Variants in FHIT observed in about 807,000 individuals in gnomAD.
The protein encoded by FHIT is bis(5'-adenosyl)-triphosphatase.
Under a neutral mutation model 17.9 loss-of-function variants are expected in FHIT, and 19 were observed. The observed-to-expected ratio is 1.06, with a 90% CI of 0.74 to 1.56. FHIT has a LOEUF of 1.56. Among genes scored for constraint, FHIT ranks in the 40% most tolerant of loss-of-function variants. The pLI is 0.00. For synonymous variants in FHIT, 81 were observed against 69.7 expected (o/e 1.16, Z -0.81); for missense variants, 248 against 189.2 (o/e 1.31, Z -1.82).
intron 3 of FHIT, among the ~76,000 whole-genome samples, chr3:60,945,033 G>A (rs558146377): frequency 2.0e-5 from 3 of 152,232 alleles, no homozygotes; most frequent in Non-Finnish European, 4.4e-5. Context: ...TCAGGGAGTC[G>A]TAAGTCTTGT....
chr3:59,879,249 G>T (rs1703298873), intron 8 of FHIT, among the ~76,000 whole-genome samples: 1 of 152,110 alleles, frequency 6.6e-6, no homozygotes. Context: ...TGACAAATTT[G>T]CCATCTGATC....
chr3:59,922,551 C>T lies in FHIT; in HGVS notation c.280-137G>A. The T allele has an allele frequency of 1.3e-5, 9 of 685,516 alleles. 1 individual carries two copies. In the South Asian group the frequency reaches 1.5e-4, roughly 11 times the overall value. 42.5% of individuals were successfully genotyped at this position (685,516 alleles called of 1,614,324 possible). On this transcript the variant is annotated intron_variant, in intron 7 of 9. Transcript: ENST00000492590. ...ATTTTTCAGAGGAAGTTGATATCCACCTTCGGTAACTATACCTGAAATCTG... is the reference window on the plus strand; with the variant it reads ...ATTTTTCAGAGGAAGTTGATATCCATCTTCGGTAACTATACCTGAAATCTG...
chr3:61,209,087 G>C (rs892629521), intron 1 of FHIT, among the ~76,000 whole-genome samples: 2 of 152,000 alleles, frequency 1.3e-5, no homozygotes, highest in African/African-American at 4.8e-5. Flanking sequence ...GCTTAGTTTG[G>C]CTGGATATGA....
intron 1 of FHIT, among the ~76,000 whole-genome samples, chr3:61,203,891 C>A (rs2039117429): frequency 6.6e-6 from 1 of 152,146 alleles, no homozygotes; most frequent in Non-Finnish European, 1.5e-5. Context: ...GAGATTTGTA[C>A]AATGTTTACA....
At chr3:61,209,801 T>C (rs1298681245) in intron 1 of FHIT, among the ~76,000 whole-genome samples, 1 of 152,252 alleles carries the variant, frequency 6.6e-6, no homozygotes, top group African/African-American at 2.4e-5. Context: ...TGAAGCCTTC[T>C]ACTCTTGACT....
At chr3:61,216,173 C>G (rs2039668647) in intron 1 of FHIT, among the ~76,000 whole-genome samples, 1 of 152,174 alleles carries the variant, frequency 6.6e-6, no homozygotes, top group South Asian at 2.1e-4. Flanking sequence ...AGCTTCTGCA[C>G]AGCAAAAGAA....
At chr3:60,170,286 T>C (rs1394085407) in intron 5 of FHIT, among the ~76,000 whole-genome samples, 1 of 152,106 alleles carries the variant, frequency 6.6e-6, no homozygotes, top group Non-Finnish European at 1.5e-5. Context: ...AACAAAGGAA[T>C]CACAGAAGGA....
At chr3:60,100,963 A>C (rs1704166333) in intron 5 of FHIT, among the ~76,000 whole-genome samples, 1 of 152,184 alleles carries the variant, frequency 6.6e-6, no homozygotes, top group Non-Finnish European at 1.5e-5. Context: ...ACAGGCCAGG[A>C]ACATGTAACA....
rs148724486 is a variant in FHIT at position 60,573,311 on chromosome 3, T to A, written c.-17-36332A>T. On this transcript the variant is annotated intron_variant, in intron 4 of 9. Transcript: ENST00000492590. The stretch of plus-strand genomic sequence containing the variant: ...TTTGAGACCATTTCCCTCTGACACA[T>A]CCCTTCTTCTGCAGAAGCACCCATC... Among the ~76,000 whole-genome samples, 22 of 152,286 alleles carry A rather than the reference T, an allele frequency of 1.4e-4. No individual in the cohort carries two copies. In the East Asian group the frequency reaches 4.3e-3, roughly 29 times the overall value.
chr3:61,153,527 T>G (rs987792761), intron 2 of FHIT, among the ~76,000 whole-genome samples: 3 of 152,224 alleles, frequency 2.0e-5, no homozygotes, highest in African/African-American at 7.2e-5. Flanking sequence ...TGTCTTGGGC[T>G]TTATTCACTT....
chr3:60,726,624 A>C (rs1465621232), intron 4 of FHIT, among the ~76,000 whole-genome samples: 3 of 152,198 alleles, frequency 2.0e-5, no homozygotes, highest in Non-Finnish European at 4.4e-5. Flanking sequence ...CTTTCCCTAT[A>C]CTAGCTGTGT....
At chr3:60,766,962 A>T (rs559313936) in intron 4 of FHIT, among the ~76,000 whole-genome samples, 1 of 152,306 alleles carries the variant, frequency 6.6e-6, no homozygotes, top group African/African-American at 2.4e-5. Context: ...TGGCATGCTC[A>T]ATCTCCTTTT....
chr3:60,777,548 T>A (rs1236175764), intron 4 of FHIT, among the ~76,000 whole-genome samples: 6 of 152,140 alleles, frequency 3.9e-5, no homozygotes, highest in Non-Finnish European at 8.8e-5. Context: ...TTATCAGACC[T>A]AAAAGGGTGC....
At chr3:60,367,569 T>C (rs573509591) in intron 5 of FHIT, among the ~76,000 whole-genome samples, 2 of 152,222 alleles carry the variant, frequency 1.3e-5, no homozygotes, top group African/African-American at 4.8e-5. Flanking sequence ...TTTGAAACAC[T>C]TGATGCCTTT....
chr3:60,788,324 C>T (rs766896998), intron 4 of FHIT, among the ~76,000 whole-genome samples: 9 of 151,968 alleles, frequency 5.9e-5, no homozygotes, highest in Admixed American at 1.3e-4. Flanking sequence ...ATCAGAGGCT[C>T]TCAGGAACTC....
intron 5 of FHIT, among the ~76,000 whole-genome samples, chr3:60,112,108 G>C (rs1277916400): frequency 6.6e-6 from 1 of 152,176 alleles, no homozygotes; most frequent in African/African-American, 2.4e-5. Flanking sequence ...GCATCAATGT[G>C]TCAGTTGGGT....
chr3:59,835,687 G>A (rs749079093), intron 8 of FHIT, among the ~76,000 whole-genome samples: 28 of 152,070 alleles, frequency 1.8e-4, no homozygotes, highest in Non-Finnish European at 3.7e-4. Flanking sequence ...TTAGTGCTAC[G>A]AGAATCACCC....
intron 4 of FHIT, among the ~76,000 whole-genome samples, chr3:60,803,348 G>A (rs559423468): frequency 8.3e-4 from 127 of 152,248 alleles, no homozygotes; most frequent in Admixed American, 2.0e-3. Flanking sequence ...GTAGCCAGCC[G>A]CCGCCAAAAA....
At chr3:60,219,116 T>A (rs1703839003) in intron 5 of FHIT, among the ~76,000 whole-genome samples, 1 of 152,118 alleles carries the variant, frequency 6.6e-6, no homozygotes, top group Non-Finnish European at 1.5e-5. Flanking sequence ...TCTACCCACA[T>A]TACTCTCATT....
Sources: gnomAD v4.1 joint callset for allele counts (sites outside exome capture counted in the v4.1 genomes callset) on GRCh38, gnomAD v4.1.1 for gene constraint, MANE v1.5 for transcripts, NCBI Gene and HGNC (gene_info 2026-07-23, HGNC 2026-07-21) for gene names.